Variants in PCDHA5 observed in about 807,000 individuals in gnomAD.
PCDHA5 encodes protocadherin alpha-5.
Under a neutral mutation model 61.6 loss-of-function variants are expected in PCDHA5, and 43 were observed. That is an observed-to-expected ratio of 0.70 (90% confidence interval 0.55 to 0.90). The LOEUF (loss-of-function observed/expected upper bound fraction) is 0.90. PCDHA5 is among the 40% of genes least tolerant of loss of function. PCDHA5 has a pLI of 0.00. For synonymous variants in PCDHA5, 627 were observed against 543.9 expected (o/e 1.15, Z -2.13); for missense variants, 1,298 against 1,222.7 (o/e 1.06, Z -0.92).
intron 1 of PCDHA5, among the ~76,000 whole-genome samples, chr5:140,839,453 A>G (rs113969469): frequency 3.3e-5 from 5 of 152,018 alleles, no homozygotes; most frequent in African/African-American, 1.2e-4. Context: ...GCAGTGGCAC[A>G]ATCTGGGCTT....
chr5:140,922,049 T>G (rs1368623726), intron 1 of PCDHA5, among the ~76,000 whole-genome samples: 1 of 152,066 alleles, frequency 6.6e-6, no homozygotes, highest in African/African-American at 2.4e-5. Context: ...CCCACATACC[T>G]TCAAAATGTA....
intron 1 of PCDHA5, chr5:140,883,677 C>T (rs112867183): frequency 1.2e-6 from 2 of 1,613,726 alleles, no homozygotes. Flanking sequence ...AACAATCCGC[C>T]GGGCTGCCAC....
intron 1 of PCDHA5, chr5:140,835,705 T>A (rs1773862333): frequency 1.2e-6 from 2 of 1,613,894 alleles, no homozygotes; most frequent in East Asian, 4.5e-5. Flanking sequence ...ACTGCTAGCG[T>A]GTCCGTGGAG....
At chr5:140,841,726 A>G (rs1777447763) in intron 1 of PCDHA5, 1 of 1,613,794 alleles carries the variant, frequency 6.2e-7, no homozygotes, top group African/African-American at 1.3e-5. Flanking sequence ...TGTTCCGGGT[A>G]AAAGACCAAA....
intron 1 of PCDHA5, chr5:140,828,515 A>C: frequency 1.2e-6 from 2 of 1,614,156 alleles, no homozygotes; most frequent in Non-Finnish European, 1.7e-6. Flanking sequence ...AAGAGTGCTG[A>C]TTTACGAATC....
intron 1 of PCDHA5, among the ~76,000 whole-genome samples, chr5:140,960,401 G>C (rs1219932748): frequency 2.0e-5 from 3 of 151,956 alleles, no homozygotes; most frequent in African/African-American, 7.3e-5. Flanking sequence ...TGCAAGGGGG[G>C]GTGCCCAAAA....
rs1476746131 is a variant in PCDHA5, at chr5:140,870,515, G to A, written c.2352+46388G>A. 8.7e-6 allele frequency: 14 copies of A among 1,614,236 alleles called. No homozygotes were observed. Among genetic ancestry groups the A allele is most frequent in the Non-Finnish European group, 1.1e-5 (13 of 1,180,048 alleles). On this transcript the variant is annotated intron_variant, in intron 1 of 3. Transcript: ENST00000529859. The stretch of plus-strand genomic sequence containing the variant: ...GTGAAGGAGAACAACCCACCAGGCT[G>A]CCACATCTTCACAGTGTCGGCGCGG...
Position 140,822,739 on chromosome 5 carries a change from A to G in PCDHA5, c.964A>G (p.Met322Val), listed in dbSNP as rs1165429866. The G allele has an allele frequency of 5.0e-6, 8 of 1,613,518 alleles. No individual in the cohort carries two copies. Among genetic ancestry groups the G allele is most frequent in the African/African-American group, 1.3e-5 (1 of 74,928 alleles). ...CTCATATGAAATTAATATTGATGCC[A>G]TGGATAAAAGTACATTCCCATTATC... ...YNSYEINIDA[M>V]DKSTFPLSGH... Residue 322 changes from methionine to valine, a missense_variant, in exon 1 of 4, where the codon ATG becomes GTG. Coordinates refer to ENST00000529859, the MANE Select transcript of PCDHA5 (RefSeq NM_018908.3).
At chr5:140,834,520 GC>G in intron 1 of PCDHA5, 1 of 1,614,066 alleles carries the variant, frequency 6.2e-7, no homozygotes, top group Non-Finnish European at 8.5e-7. Flanking sequence ...AACTTCGTGG[GC>G]CGCATCGCGC....
At chr5:140,898,573 T>C (rs1161265188) in intron 1 of PCDHA5, among the ~76,000 whole-genome samples, 3 of 152,250 alleles carry the variant, frequency 2.0e-5, no homozygotes, top group Non-Finnish European at 4.4e-5. Flanking sequence ...ACCAGTGCCA[T>C]GCTGTTTTGG....
intron 1 of PCDHA5, among the ~76,000 whole-genome samples, chr5:140,897,045 C>T (rs1362151452): frequency 3.3e-5 from 5 of 152,090 alleles, no homozygotes; most frequent in African/African-American, 9.7e-5. Context: ...TCACCCTATT[C>T]TGCTGTCAAA....
chr5:140,927,513 C>G, intron 1 of PCDHA5: 1 of 1,614,062 alleles, frequency 6.2e-7, no homozygotes, highest in Non-Finnish European at 8.5e-7. Context: ...CAGCTCGGGA[C>G]GGCGGGCTAC....
At chr5:140,834,764 C>T (rs2150225831) in intron 1 of PCDHA5, 2 of 1,614,098 alleles carry the variant, frequency 1.2e-6, no homozygotes, top group East Asian at 2.2e-5. Flanking sequence ...AGGACATTAA[C>T]GACAACCCTC....
intron 1 of PCDHA5, among the ~76,000 whole-genome samples, chr5:140,838,812 C>T (rs1475973999): frequency 6.6e-6 from 1 of 151,910 alleles, no homozygotes; most frequent in Non-Finnish European, 1.5e-5. Context: ...GTTTCAGCTA[C>T]TCAAGAAACT....
rs978053855 is a variant in PCDHA5 at position 141,009,492 on chromosome 5, A to T, written c.2501-135A>T. 4 of 1,478,558 alleles carry T rather than the reference A, an allele frequency of 2.7e-6. No individual in the cohort carries two copies. In the African/African-American group the frequency reaches 5.6e-5, roughly 21 times the overall value. The allele number at this position is 1,478,558 out of a possible 1,614,324, so 91.6% of individuals were successfully genotyped here. ...ATAAGTAAACACTTGCCTTGCCCTCAGACTTGAACAAACAACTCGTGATTT... is the reference window on the plus strand; with the variant it reads ...ATAAGTAAACACTTGCCTTGCCCTCTGACTTGAACAAACAACTCGTGATTT... On this transcript the variant is annotated intron_variant, in intron 3 of 3. Coordinates refer to ENST00000529859, the MANE Select transcript of PCDHA5 (RefSeq NM_018908.3).
chr5:140,851,165 G>T, intron 1 of PCDHA5: 1 of 1,284,508 alleles, frequency 7.8e-7, no homozygotes, highest in Non-Finnish European at 1.0e-6. Flanking sequence ...ATGCTATGCT[G>T]CCATAACACT....
chr5:140,921,215 CT>C (rs2080099389), intron 1 of PCDHA5, among the ~76,000 whole-genome samples: 1 of 151,942 alleles, frequency 6.6e-6, no homozygotes, highest in Admixed American at 6.6e-5. Context: ...TAATTCACGT[CT>C]TTTTTGCTAG....
intron 3 of PCDHA5, 149 bp downstream of exon 3, chr5:140,982,712 T>C: frequency 7.3e-7 from 1 of 1,373,964 alleles, no homozygotes; most frequent in Non-Finnish European, 9.6e-7. Context: ...TCCTTACATA[T>C]ATGATTATTT....
At chr5:140,882,684 G>A (rs781811851) in intron 1 of PCDHA5, 3 of 1,614,172 alleles carry the variant, frequency 1.9e-6, no homozygotes, top group South Asian at 1.1e-5. Context: ...AGCAAGAAAC[G>A]AATAATCATT....
Sources: allele counts gnomAD v4.1 joint callset (sites outside exome capture counted in the v4.1 genomes callset), GRCh38; gene constraint gnomAD v4.1.1; transcripts MANE v1.5; gene names NCBI Gene and HGNC (gene_info 2026-07-23, HGNC 2026-07-21).